PTPRD: variants seen among roughly 807,000 people sequenced by gnomAD.
PTPRD encodes protein tyrosine phosphatase receptor type D.
A neutral mutation model predicts 214.5 loss-of-function variants in PTPRD; 34 were observed. The observed-to-expected ratio is 0.16, with a 90% confidence interval of 0.12 to 0.21. The LOEUF is 0.21. Ranked by LOEUF, PTPRD falls within the 10% of genes least tolerant of loss-of-function variation. The pLI is 1.00. For synonymous variants in PTPRD, 1,128 were observed against 845.7 expected, an observed-to-expected ratio of 1.33 and a Z score of -5.79; for missense variants, 2,545 against 2,398.7, an observed-to-expected ratio of 1.06 and a Z score of -1.27.
chr9:9,730,889 G>A (rs757032077), intron 7 of PTPRD, among the ~76,000 whole-genome samples: 1 of 152,022 alleles, frequency 6.6e-6, no homozygotes, highest in African/African-American at 2.4e-5. Context: ...GTGAAAGCTT[G>A]AAAATTCAAA....
At chr9:10,579,823 C>G (rs756381111) in intron 2 of PTPRD, among the ~76,000 whole-genome samples, 1 of 151,990 alleles carries the variant, frequency 6.6e-6, no homozygotes, top group Non-Finnish European at 1.5e-5. Context: ...AGATAATTCT[C>G]GTGGTTTTGA....
chr9:10,435,172 A>G (rs2098709215), intron 2 of PTPRD, among the ~76,000 whole-genome samples: 1 of 151,876 alleles, frequency 6.6e-6, no homozygotes. Flanking sequence ...GCAAAGTTCA[A>G]AAGTACAATC....
rs1441039276 is a variant in PTPRD at position 9,052,008 on chromosome 9, C to G, written c.-142-33273G>C. On this transcript the variant is annotated intron_variant, in intron 10 of 45. Transcript: ENST00000381196. ...CATCTGGATTGCTATAACAAAAATA[C>G]CATAGACTGGATGGCTTAAACAACA... Among the ~76,000 whole-genome samples, 9 of 152,172 alleles carry G rather than the reference C, an allele frequency of 5.9e-5. 1 individual carries two copies. Among genetic ancestry groups the G allele is most frequent in the Admixed American group, 5.9e-4 (9 of 15,262 alleles).
chr9:10,460,379 C>T (rs1052921254), intron 2 of PTPRD, among the ~76,000 whole-genome samples: 1 of 150,506 alleles, frequency 6.6e-6, no homozygotes, highest in African/African-American at 2.5e-5. Flanking sequence ...GATAAAAAAA[C>T]CCTAAAATTT....
intron 5 of PTPRD, among the ~76,000 whole-genome samples, chr9:9,923,123 G>GT (rs1555340190): frequency 0.076 from 10,946 of 144,872 alleles, 465 homozygotes; most frequent in East Asian, 0.22. Flanking sequence ...GTGTGTGGGG[G>GT]GTGTGTGTGT....
chr9:8,636,878 A>G (rs2154328578), intron 12 of PTPRD, 34 bp from the exon 13 acceptor site: 3 of 1,605,256 alleles, frequency 1.9e-6, no homozygotes, highest in Non-Finnish European at 2.6e-6. Context: ...AGTTAAATTG[A>G]AAACTGAAAT....
chr9:10,449,329 G>C lies in PTPRD; in HGVS notation c.-599-108312C>G, dbSNP rs371520025. 1.1e-4 allele frequency among the ~76,000 whole-genome samples: 17 copies of C among 152,038 alleles called. 1 individual carries two copies. The highest frequency in any genetic ancestry group is 2.1e-4 in the South Asian group (1 of 4,828). On this transcript the variant is annotated intron_variant, in intron 2 of 45. Coordinates refer to ENST00000381196, the MANE Select transcript of PTPRD (RefSeq NM_002839.4). ...GCGCCGGGATTGCAGACGGAGTCTC[G>C]CTCACTCAGTGCTCAATGTCGCCCA...
intron 27 of PTPRD, 62 bp downstream of exon 27, chr9:8,492,789 GCTAGAAGCTAC>G: frequency 9.6e-7 from 1 of 1,046,076 alleles, no homozygotes; most frequent in South Asian, 1.9e-5. Context: ...ATAAAAGCCT[GCTAGAAGCTAC>G]CTATACCATT....
chr9:9,457,664 T>C (rs2093199390), intron 8 of PTPRD, among the ~76,000 whole-genome samples: 1 of 152,076 alleles, frequency 6.6e-6, no homozygotes, highest in African/African-American at 2.4e-5. Context: ...ACAGTTTCTT[T>C]TGTACAACAT....
chr9:9,016,086 T>A (rs1338025581), intron 11 of PTPRD, among the ~76,000 whole-genome samples: 1 of 152,120 alleles, frequency 6.6e-6, no homozygotes, highest in Non-Finnish European at 1.5e-5. Context: ...TCACTAATAC[T>A]TTCCCACAGA....
At chr9:10,584,706 G>A (rs188838893) in intron 2 of PTPRD, among the ~76,000 whole-genome samples, 17 of 152,146 alleles carry the variant, frequency 1.1e-4, no homozygotes, top group Admixed American at 6.5e-4. Context: ...GAAATAAGTC[G>A]CTGAGACAAA....
chr9:10,367,974 GTTA>G (rs1292871287), intron 2 of PTPRD, among the ~76,000 whole-genome samples: 1 of 152,040 alleles, frequency 6.6e-6, no homozygotes. Context: ...AGCCATTACT[GTTA>G]TTATTAATTA....
At chr9:8,806,167 C>CA (rs1432297149) in intron 11 of PTPRD, among the ~76,000 whole-genome samples, 22 of 150,968 alleles carry the variant, frequency 1.5e-4, no homozygotes, top group Admixed American at 9.3e-4. Context: ...TCAGGTGATC[C>CA]ACCCACCTTG....
chr9:8,953,816 C>A (rs947468476), intron 11 of PTPRD, among the ~76,000 whole-genome samples: 10 of 151,814 alleles, frequency 6.6e-5, no homozygotes, highest in Non-Finnish European at 4.4e-5. Flanking sequence ...TCACACCAGT[C>A]AGAATGGCTT....
intron 3 of PTPRD, among the ~76,000 whole-genome samples, chr9:10,253,713 G>A (rs994137415): frequency 4.6e-5 from 7 of 152,090 alleles, no homozygotes; most frequent in African/African-American, 1.7e-4. Context: ...ATAAAGAGAA[G>A]TTTACTGCAT....
Position 8,317,079 on chromosome 9 carries a change from C to CTT in PTPRD, c.*793_*794dup, listed in dbSNP as rs1365915964. 5.7e-5 allele frequency: 13 copies of CTT among 229,996 alleles called. No individual in the cohort carries two copies. The highest frequency in any genetic ancestry group is 7.7e-5 in the Non-Finnish European group (9 of 116,898). The allele number at this position is 229,996 out of a possible 1,614,324, so 14.2% of individuals were successfully genotyped here. A position where few individuals can be genotyped will look rare whatever the true frequency, so the allele number is the denominator to read the frequency against. On this transcript the variant is annotated 3_prime_UTR_variant, in exon 46 of 46. Coordinates refer to ENST00000381196, the MANE Select transcript of PTPRD (RefSeq NM_002839.4). Reference sequence around the variant, plus strand: ...TTTGATTATTTGAAGAGAATGGGTACTTTCTCACCAATCAAAACTGAAGTG... The same window carrying CTT: ...TTTGATTATTTGAAGAGAATGGGTACTTTTTCTCACCAATCAAAACTGAAGTG...
intron 10 of PTPRD, among the ~76,000 whole-genome samples, chr9:9,150,728 C>T (rs1329701464): frequency 1.3e-5 from 2 of 152,080 alleles, no homozygotes; most frequent in Non-Finnish European, 2.9e-5. Context: ...CCTGCCTCAG[C>T]CTCCCAAAGG....
chr9:8,780,728 G>T (rs915572945), intron 11 of PTPRD, among the ~76,000 whole-genome samples: 7 of 152,152 alleles, frequency 4.6e-5, no homozygotes, highest in African/African-American at 1.2e-4. Flanking sequence ...TCAAGGCCAA[G>T]AAATATTCTA....
At chr9:9,921,831 C>G (rs1299542271) in intron 5 of PTPRD, among the ~76,000 whole-genome samples, 1 of 151,640 alleles carries the variant, frequency 6.6e-6, no homozygotes, top group Non-Finnish European at 1.5e-5. Context: ...CCACACTGTT[C>G]TAATTCATTT....
Sources: allele counts gnomAD v4.1 joint callset (sites outside exome capture counted in the v4.1 genomes callset), GRCh38; gene constraint gnomAD v4.1.1; transcripts MANE v1.5; gene names NCBI Gene and HGNC (gene_info 2026-07-23, HGNC 2026-07-21).